PLA2G4A: variants seen among roughly 807,000 people sequenced by gnomAD.
PLA2G4A encodes the protein cytosolic phospholipase A2.
PLA2G4A carries 40 observed loss-of-function variants against 81.9 expected under a neutral mutation model. The ratio of observed to expected loss-of-function variants is 0.49; its 90% CI spans 0.38 to 0.64. The LOEUF (loss-of-function observed/expected upper bound fraction) is 0.64. Ranked by LOEUF, PLA2G4A falls within the 30% of genes least tolerant of loss-of-function variation. PLA2G4A has a pLI of 0.00. For missense variants in PLA2G4A, 715 were observed against 905.1 expected (o/e 0.79, Z 2.69); for synonymous variants, 302 against 296.9 (o/e 1.02, Z -0.18).
intron 1 of PLA2G4A, among the ~76,000 whole-genome samples, chr1:186,839,513 T>C (rs1011450027): frequency 1.3e-5 from 2 of 152,310 alleles, no homozygotes; most frequent in South Asian, 2.1e-4. Context: ...AAAGAACCCA[T>C]TGAGGCATTA....
At chr1:186,886,349 A>G (rs939515728) in intron 3 of PLA2G4A, among the ~76,000 whole-genome samples, 6 of 152,174 alleles carry the variant, frequency 3.9e-5, no homozygotes, top group African/African-American at 1.4e-4. Flanking sequence ...AGTATTCCCA[A>G]TAAATAATGC....
At chr1:186,987,421 A>G (rs1371885974) in intron 17 of PLA2G4A, among the ~76,000 whole-genome samples, 3 of 152,246 alleles carry the variant, frequency 2.0e-5, no homozygotes, top group Non-Finnish European at 4.4e-5. Context: ...TCCCTGAGGT[A>G]GAGAATAAAA....
intron 2 of PLA2G4A, among the ~76,000 whole-genome samples, chr1:186,864,800 A>G (rs1227565501): frequency 6.6e-6 from 1 of 151,538 alleles, no homozygotes; most frequent in Non-Finnish European, 1.5e-5. Flanking sequence ...TTAAAAATAT[A>G]TACAACTATA....
intron 2 of PLA2G4A, among the ~76,000 whole-genome samples, chr1:186,865,982 T>A (rs1653013210): frequency 1.3e-5 from 2 of 152,210 alleles, no homozygotes; most frequent in South Asian, 4.1e-4. Flanking sequence ...TTAATCTTTG[T>A]GACTAAGTCG....
intron 1 of PLA2G4A, among the ~76,000 whole-genome samples, chr1:186,848,879 A>G (rs1652278479): frequency 1.3e-5 from 2 of 152,078 alleles, no homozygotes; most frequent in African/African-American, 4.8e-5. Context: ...GTCTTGCTGT[A>G]AGATACAGTA....
At chr1:186,934,583 ATC>A (rs1241626069) in intron 8 of PLA2G4A, among the ~76,000 whole-genome samples, 1 of 151,324 alleles carries the variant, frequency 6.6e-6, no homozygotes, top group Non-Finnish European at 1.5e-5. Flanking sequence ...CTTCTACTCT[ATC>A]TTTCACAGTC....
intron 17 of PLA2G4A, among the ~76,000 whole-genome samples, chr1:186,981,633 T>C (rs187571324): frequency 1.1e-4 from 17 of 152,322 alleles, no homozygotes; most frequent in African/African-American, 3.8e-4. Flanking sequence ...TTAAGTACAT[T>C]GCATTATCGT....
At chr1:186,966,470 A>T (rs1471266861) in intron 15 of PLA2G4A, among the ~76,000 whole-genome samples, 1 of 152,090 alleles carries the variant, frequency 6.6e-6, no homozygotes, top group Non-Finnish European at 1.5e-5. Context: ...TGGAAAAAGG[A>T]AGTTAAGGAA....
intron 7 of PLA2G4A, among the ~76,000 whole-genome samples, chr1:186,924,048 G>A (rs556054081): frequency 2.0e-5 from 3 of 152,242 alleles, no homozygotes; most frequent in African/African-American, 7.2e-5. Flanking sequence ...GCTTTCAAAT[G>A]CAGATACCCA....
At chr1:186,864,633 T>C (rs925284078) in intron 2 of PLA2G4A, among the ~76,000 whole-genome samples, 4 of 145,384 alleles carry the variant, frequency 2.8e-5, no homozygotes, top group African/African-American at 1.0e-4. Context: ...CTTTTACTTG[T>C]TTTAAAAATC....
chr1:186,869,576 A>C (rs1253085415), intron 2 of PLA2G4A, among the ~76,000 whole-genome samples: 1 of 152,154 alleles, frequency 6.6e-6, no homozygotes, highest in East Asian at 1.9e-4. Context: ...GCCTCCTTGC[A>C]TTTAGACTGT....
At chr1:186,850,487 C>T (rs1652333964) in intron 1 of PLA2G4A, among the ~76,000 whole-genome samples, 1 of 146,886 alleles carries the variant, frequency 6.8e-6, no homozygotes, top group Admixed American at 6.9e-5. Flanking sequence ...ATTGCTACCC[C>T]TAGATTGCCT....
intron 15 of PLA2G4A, among the ~76,000 whole-genome samples, chr1:186,968,571 TATAAG>T (rs902859472): frequency 9.9e-5 from 15 of 151,748 alleles, no homozygotes; most frequent in East Asian, 7.7e-4. Flanking sequence ...ATAAAAGATA[TATAAG>T]ATGTTTATAA....
chr1:186,848,548 T>G (rs1652266714), intron 1 of PLA2G4A, among the ~76,000 whole-genome samples: 1 of 152,164 alleles, frequency 6.6e-6, no homozygotes, highest in African/African-American at 2.4e-5. Context: ...CTTTTCTTCC[T>G]TTCACATCCA....
At chr1:186,862,111 T>C (rs778701902) in intron 2 of PLA2G4A, among the ~76,000 whole-genome samples, 3 of 151,390 alleles carry the variant, frequency 2.0e-5, no homozygotes, top group Non-Finnish European at 2.9e-5. Context: ...AAAAATCATA[T>C]GAAGTTGGTT....
chr1:186,935,293 A>G (rs1296109184), intron 8 of PLA2G4A, among the ~76,000 whole-genome samples: 2 of 151,976 alleles, frequency 1.3e-5, no homozygotes, highest in African/African-American at 2.4e-5. Context: ...AGTACAAAAA[A>G]TAGGCATATG....
intron 15 of PLA2G4A, among the ~76,000 whole-genome samples, chr1:186,967,043 A>G (rs1403414863): frequency 1.3e-5 from 2 of 152,144 alleles, no homozygotes; most frequent in African/African-American, 4.8e-5. Flanking sequence ...AGAAGTGGCA[A>G]TTCATAATAA....
chr1:186,843,281 T>C (rs1475715580), intron 1 of PLA2G4A, among the ~76,000 whole-genome samples: 1 of 152,228 alleles, frequency 6.6e-6, no homozygotes, highest in Non-Finnish European at 1.5e-5. Flanking sequence ...AAATTAAGTG[T>C]TCATATTAGC....
intron 14 of PLA2G4A, among the ~76,000 whole-genome samples, chr1:186,957,115 G>GT (rs72503156): frequency 1.6e-4 from 2 of 12,140 alleles, no homozygotes; most frequent in African/African-American, 2.2e-3. Context: ...TTGCACCACT[G>GT]CACTCCAGCC....
Sources: allele counts gnomAD v4.1 joint callset (sites outside exome capture counted in the v4.1 genomes callset), GRCh38; gene constraint gnomAD v4.1.1; transcripts MANE v1.5; gene names NCBI Gene and HGNC (gene_info 2026-07-23, HGNC 2026-07-21).